Variants in UPF1 observed in about 807,000 individuals in gnomAD.
The protein encoded by UPF1 is regulator of nonsense transcripts 1.
In UPF1, 9 loss-of-function variants were observed where a neutral mutation model predicts 129.2. The ratio of observed to expected loss-of-function variants is 0.07; its 90% CI spans 0.04 to 0.12. The LOEUF (loss-of-function observed/expected upper bound fraction) is 0.12, where lower values mean the gene tolerates loss of function less well. Ranked by LOEUF, UPF1 falls within the 10% of genes least tolerant of loss-of-function variation. The probability of loss-of-function intolerance (pLI) is 1.00; values close to 1 mark genes in which losing one functional copy is unlikely to be tolerated. For missense variants in UPF1, 788 were observed against 1,525.3 expected (o/e 0.52, Z 8.05); for synonymous variants, 649 against 644.9 (o/e 1.01, Z -0.10).
chr19:18,857,262 G>A, intron 14 of UPF1, 58 bp from the exon 15 acceptor site: 1 of 1,561,390 alleles, frequency 6.4e-7, no homozygotes, highest in East Asian at 2.2e-5. Flanking sequence ...TTGCTAGTGT[G>A]TGTTGAGGCT....
Position 18,865,304 on chromosome 19 carries a change from T to C in UPF1, c.2873T>C (p.Met958Thr). Residue 958 changes from methionine (M) to threonine (T), a missense_variant, in exon 21 of 24, where the codon ATG (methionine) becomes ACG (threonine). Transcript: ENST00000262803. The surrounding 1 kb of genome is among the most constrained non-coding windows in gnomAD (Gnocchi z 6.1). The part of the protein sequence containing the change: ...DRSSQGRPSS[M>T]YFQTHDQIGM... ...TGATTTGCAGGCCGGCCTTCCAGCA[T>C]GTACTTCCAGACCCATGACCAGATT... The C allele has an allele frequency of 6.2e-7, 1 of 1,605,396 alleles. No individual in the cohort carries two copies. The highest frequency in any genetic ancestry group is 8.5e-7 in the Non-Finnish European group (1 of 1,172,992).
intron 1 of UPF1, among the ~76,000 whole-genome samples, chr19:18,843,850 A>G (rs2055569286): frequency 6.6e-6 from 1 of 151,800 alleles, no homozygotes; most frequent in African/African-American, 2.4e-5. Context: ...GGGTCAAGCA[A>G]TCCTCCGGCC....
intron 1 of UPF1, among the ~76,000 whole-genome samples, chr19:18,837,035 A>G (rs998402409): frequency 4.6e-5 from 7 of 152,026 alleles, no homozygotes; most frequent in African/African-American, 1.7e-4. Flanking sequence ...TACAGCCGTG[A>G]GCCACTGCGC....
At chr19:18,860,298 T>TA (rs755807029) in intron 15 of UPF1, 23 bp from the exon 16 acceptor site, 4 of 1,612,332 alleles carry the variant, frequency 2.5e-6, no homozygotes, top group South Asian at 1.1e-5. Flanking sequence ...TTTGAAGTGT[T>TA]ACTTCTTTCC....
At position 18,865,822 on chromosome 19, in the gene UPF1, G is replaced by T. The variant is rs749223884; in HGVS notation, c.3237+44G>T. 6.2e-7 allele frequency: 1 copy of T among 1,607,552 alleles called. No homozygotes were observed. The highest frequency in any genetic ancestry group is 8.5e-7 in the Non-Finnish European group (1 of 1,178,638). ...CGGGACTTACCTGAGTGAGGGTGGGGCTATGCACCTGAAACATTCCCTCTG... is the reference window on the plus strand; with the variant it reads ...CGGGACTTACCTGAGTGAGGGTGGGTCTATGCACCTGAAACATTCCCTCTG... On this transcript the variant is annotated intron_variant, in intron 22 of 23. Transcript: ENST00000262803. The surrounding 1 kb of genome is among the most constrained non-coding windows in gnomAD (Gnocchi z 6.1).
chr19:18,861,055 C>A (rs2055773565), intron 17 of UPF1, 73 bp downstream of exon 17: 14 of 1,485,680 alleles, frequency 9.4e-6, no homozygotes, highest in Middle Eastern at 2.2e-4. Flanking sequence ...TTTAAGTTAC[C>A]CCCCAAGAGG....
intron 1 of UPF1, among the ~76,000 whole-genome samples, chr19:18,841,481 C>T (rs986227144): frequency 3.3e-5 from 5 of 152,210 alleles, no homozygotes; most frequent in African/African-American, 1.2e-4. Flanking sequence ...GACAGTTGGC[C>T]TCTCTCCACA....
chr19:18,857,360 T>G lies in UPF1; in HGVS notation c.2009T>G (p.Val670Gly). The G allele has an allele frequency of 6.2e-7, 1 of 1,613,304 alleles. No homozygotes were observed. Among genetic ancestry groups the G allele is most frequent in the Non-Finnish European group, 8.5e-7 (1 of 1,180,012 alleles). The change falls in exon 15 of 24, where the codon GTG (valine) becomes GGG (glycine). Residue 670 changes from valine to glycine, a missense_variant. Physicochemically the swap from Val to Gly is moderately radical, Grantham distance 109 (BLOSUM62 -3). This residue lies in a region of UPF1 where 140 missense variants were observed against 385.9 expected (regional missense o/e 0.36). Coordinates refer to ENST00000262803, the MANE Select transcript of UPF1 (RefSeq NM_002911.4). ...GACCACTGCCAGCTGGGCCCAGTGG[T>G]GATGTGCAAGAAGGCGGCCAAGGCC... The part of the protein sequence containing the change: ...VGDHCQLGPV[V>G]MCKKAAKAGL...
intron 1 of UPF1, among the ~76,000 whole-genome samples, chr19:18,838,112 CCT>C (rs1306323771): frequency 3.3e-5 from 5 of 152,242 alleles, no homozygotes; most frequent in Non-Finnish European, 2.9e-5. Flanking sequence ...TCTGCTGAGC[CCT>C]GAGATTATGA....
At position 18,832,230 on chromosome 19, in the gene UPF1, G is replaced by T. The variant is rs201726058; in HGVS notation, c.21G>T (p.Gly7=). MSVEAY[G]PSSQTLTFLD... ...GCACCATGAGCGTGGAGGCGTACGG[G>T]CCCAGCTCGCAGACTCTCACTTTCC... Residue 7 remains glycine (G), a synonymous_variant, in exon 1 of 24, where the codon GGG becomes GGT. Coordinates refer to ENST00000262803, the MANE Select transcript of UPF1 (RefSeq NM_002911.4). This position sits in a 1 kb window ranked among gnomAD's most constrained non-coding sequence, Gnocchi z 5.6. The T allele has an allele frequency of 1.9e-6, 3 of 1,547,030 alleles. No individual in the cohort carries two copies. Among genetic ancestry groups the T allele is most frequent in the African/African-American group, 2.9e-5 (2 of 70,052 alleles).
chr19:18,839,539 A>G (rs1478772532), intron 1 of UPF1, among the ~76,000 whole-genome samples: 4 of 152,264 alleles, frequency 2.6e-5, no homozygotes, highest in Non-Finnish European at 4.4e-5. Context: ...CTCATGCCCA[A>G]GGTCACCCGT....
At chr19:18,846,899 C>G (rs1428051458) in intron 2 of UPF1, among the ~76,000 whole-genome samples, 1 of 152,206 alleles carries the variant, frequency 6.6e-6, no homozygotes, top group Non-Finnish European at 1.5e-5. Flanking sequence ...GAGGCTGAGG[C>G]AGGAGAATGA....
At chr19:18,866,396 C>T in intron 23 of UPF1, 125 bp from the exon 24 acceptor site, 4 of 531,918 alleles carry the variant, frequency 7.5e-6, no homozygotes, top group Non-Finnish European at 9.5e-6. Context: ...CACCGCGGGA[C>T]CTCAGTTTCC....
In UPF1 at chr19:18,863,421, CT is replaced by C. The variant is rs1273397722; in HGVS notation, c.2601-16del. ...CAGCTCTCCACCTGCGTCCTCAGCACTGCGCCCTTGTTGCAGGTATGGCGTC... is the reference window on the plus strand; with the variant it reads ...CAGCTCTCCACCTGCGTCCTCAGCACGCGCCCTTGTTGCAGGTATGGCGTC... On this transcript the variant is annotated splice_polypyrimidine_tract_variant and intron_variant, in intron 18 of 23. Coordinates refer to ENST00000262803, the MANE Select transcript of UPF1 (RefSeq NM_002911.4). The C allele has an allele frequency of 6.2e-7, 1 of 1,610,018 alleles. No individual in the cohort carries two copies. Among genetic ancestry groups the C allele is most frequent in the Non-Finnish European group, 8.5e-7 (1 of 1,176,830 alleles).
intron 11 of UPF1, 116 bp downstream of exon 11, chr19:18,855,358 T>G (rs1601117940): frequency 1.1e-5 from 13 of 1,151,938 alleles, no homozygotes; most frequent in Non-Finnish European, 1.6e-5. Flanking sequence ...ACGTGGCGGG[T>G]AGTGTCGCCA....
In UPF1 at chr19:18,867,718, GGT is replaced by G. The variant is rs1316242189; in HGVS notation, c.*1205_*1206del. On this transcript the variant is annotated 3_prime_UTR_variant, in exon 24 of 24. Coordinates refer to ENST00000262803, the MANE Select transcript of UPF1 (RefSeq NM_002911.4). ...CCGCGTTCTGTGTGAAGGGACTGAGGGTGTGGTGTCATTGGCAGAGGGTCATT... is the reference window on the plus strand; with the variant it reads ...CCGCGTTCTGTGTGAAGGGACTGAGGGTGGTGTCATTGGCAGAGGGTCATT... 6.6e-6 allele frequency: 1 copy of G among 152,338 alleles called. No individual in the cohort carries two copies. The highest frequency in any genetic ancestry group is 2.4e-5 in the African/African-American group (1 of 41,462). The allele number at this position is 152,338 out of a possible 1,614,324, so 9.4% of individuals were successfully genotyped here.
chr19:18,850,778 C>G lies in UPF1; in HGVS notation c.720C>G (p.Ser240=). 6.2e-7 allele frequency: 1 copy of G among 1,611,556 alleles called. No individual in the cohort carries two copies. The highest frequency in any genetic ancestry group is 1.3e-5 in the African/African-American group (1 of 75,022). The change falls in exon 5 of 24, where the codon TCC becomes TCG. Residue 240 remains serine (S), a synonymous_variant. Coordinates refer to ENST00000262803, the MANE Select transcript of UPF1 (RefSeq NM_002911.4). The surrounding 1 kb of genome is among the most constrained non-coding windows in gnomAD (Gnocchi z 7.1). Reference sequence around the variant, plus strand: ...TGATCCAGGACCGCTGCTTCCTGTCCTGGCTGGTCAAGATCCCCTCCGAGC... The same window carrying G: ...TGATCCAGGACCGCTGCTTCCTGTCGTGGCTGGTCAAGATCCCCTCCGAGC... ...QPLIQDRCFL[S]WLVKIPSEQE...
intron 14 of UPF1, 40 bp downstream of exon 14, chr19:18,857,060 T>C: frequency 1.9e-6 from 3 of 1,588,118 alleles, no homozygotes; most frequent in Non-Finnish European, 2.6e-6. Flanking sequence ...AAAACTCGTG[T>C]GTGTGATTCT....
intron 1 of UPF1, among the ~76,000 whole-genome samples, chr19:18,835,835 C>T (rs753583843): frequency 2.6e-5 from 4 of 152,140 alleles, no homozygotes; most frequent in Non-Finnish European, 5.9e-5. Context: ...CCTGCTGGGC[C>T]GCGTAGTAAC....
Sources: allele counts gnomAD v4.1 joint callset (sites outside exome capture counted in the v4.1 genomes callset), GRCh38; gene constraint gnomAD v4.1.1; regional missense constraint gnomAD v4.1.1; non-coding constraint Gnocchi (gnomAD v3.1); transcripts MANE v1.5; gene names NCBI Gene and HGNC (gene_info 2026-07-23, HGNC 2026-07-21).